Variants in ATXN7L1 observed in about 807,000 individuals in gnomAD.
ATXN7L1 encodes the protein ataxin 7 like 1.
ATXN7L1 carries 15 observed loss-of-function variants against 70.8 expected under a neutral mutation model. The ratio of observed to expected loss-of-function variants is 0.21; its 90% CI spans 0.14 to 0.33. The LOEUF is 0.33. Among genes scored for constraint, ATXN7L1 ranks in the 10% least tolerant of loss-of-function variants. The pLI is 1.00. For synonymous variants in ATXN7L1, 440 were observed against 445.1 expected (o/e 0.99, Z 0.14); for missense variants, 975 against 1,097.1 (o/e 0.89, Z 1.57).
chr7:105,732,164 C>T (rs1042683479), intron 3 of ATXN7L1, among the ~76,000 whole-genome samples: 4 of 152,126 alleles, frequency 2.6e-5, no homozygotes, highest in Non-Finnish European at 5.9e-5. Context: ...AATCCCAACA[C>T]TTTGAGAGGC....
intron 3 of ATXN7L1, among the ~76,000 whole-genome samples, chr7:105,785,332 G>T (rs1168723173): frequency 1.3e-5 from 2 of 152,180 alleles, no homozygotes; most frequent in East Asian, 1.9e-4. Context: ...CAAGTGTGGT[G>T]GCGGGCACCT....
At chr7:105,780,030 T>A (rs1319293725) in intron 3 of ATXN7L1, among the ~76,000 whole-genome samples, 2 of 152,140 alleles carry the variant, frequency 1.3e-5, no homozygotes, top group African/African-American at 4.8e-5. Flanking sequence ...CTTGGCGGGA[T>A]AATTAGCAGG....
At chr7:105,744,258 T>C (rs1019904236) in intron 3 of ATXN7L1, among the ~76,000 whole-genome samples, 1 of 152,200 alleles carries the variant, frequency 6.6e-6, no homozygotes, top group Admixed American at 6.5e-5. Context: ...GAGGGCTTAC[T>C]CTGGGCAGGC....
chr7:105,847,030 A>G (rs1585141307), intron 2 of ATXN7L1, among the ~76,000 whole-genome samples: 1 of 152,242 alleles, frequency 6.6e-6, no homozygotes, highest in Non-Finnish European at 1.5e-5. Flanking sequence ...CTGGAATGAG[A>G]TAGTGGTGTT....
chr7:105,739,160 A>T (rs905622229), intron 3 of ATXN7L1, among the ~76,000 whole-genome samples: 1 of 152,196 alleles, frequency 6.6e-6, no homozygotes, highest in African/African-American at 2.4e-5. Context: ...CCATGCCTTA[A>T]GGCCTTGCTA....
intron 2 of ATXN7L1, among the ~76,000 whole-genome samples, chr7:105,796,971 GT>G (rs1806079811): frequency 6.6e-6 from 1 of 152,150 alleles, no homozygotes; most frequent in African/African-American, 2.4e-5. Flanking sequence ...ATCACTTTCT[GT>G]TTCTCAGATC....
At chr7:105,831,020 C>T (rs1361082706) in intron 2 of ATXN7L1, among the ~76,000 whole-genome samples, 3 of 152,230 alleles carry the variant, frequency 2.0e-5, no homozygotes, top group South Asian at 2.1e-4. Flanking sequence ...CTTCTTCAAC[C>T]ACAACAGTTC....
chr7:105,787,346 A>C (rs1164563571), intron 3 of ATXN7L1, among the ~76,000 whole-genome samples: 1 of 152,144 alleles, frequency 6.6e-6, no homozygotes, highest in African/African-American at 2.4e-5. Flanking sequence ...TTGGCCTCTG[A>C]CCAAACCTCC....
chr7:105,616,061 CT>C (rs1793848496), intron 9 of ATXN7L1, among the ~76,000 whole-genome samples: 1 of 152,234 alleles, frequency 6.6e-6, no homozygotes, highest in Admixed American at 6.5e-5. Context: ...CAAGCTGGTC[CT>C]TTCCCATTTC....
At chr7:105,841,369 A>C (rs536084616) in intron 2 of ATXN7L1, among the ~76,000 whole-genome samples, 48 of 152,340 alleles carry the variant, frequency 3.2e-4, no homozygotes, top group African/African-American at 1.2e-3. Context: ...GTCCTTGCTT[A>C]TCCACGGTTT....
intron 11 of ATXN7L1, 39 bp downstream of exon 11, chr7:105,610,490 A>G: frequency 6.8e-7 from 1 of 1,460,500 alleles, no homozygotes; most frequent in Non-Finnish European, 9.4e-7. Context: ...GCTGATGACC[A>G]TATGAATTTT....
Position 105,606,519 on chromosome 7 carries a change from G to C in ATXN7L1, c.*1333C>G, listed in dbSNP as rs1792771515. ...ACAAAGTTACATGATTAATAGCACAGAACACCTATTTTATGTTGTGAATTC... is the reference window on the plus strand; with the variant it reads ...ACAAAGTTACATGATTAATAGCACACAACACCTATTTTATGTTGTGAATTC... On this transcript the variant is annotated 3_prime_UTR_variant, in exon 12 of 12. Coordinates refer to ENST00000419735, the MANE Select transcript of ATXN7L1 (RefSeq NM_020725.2). The C allele has an allele frequency of 6.6e-6, 1 of 152,222 alleles. No homozygotes were observed. The highest frequency in any genetic ancestry group is 2.4e-5 in the African/African-American group (1 of 41,460). 9.4% of individuals were successfully genotyped at this position (152,222 alleles called of 1,614,324 possible).
intron 4 of ATXN7L1, among the ~76,000 whole-genome samples, chr7:105,664,471 GTATAA>G (rs997768239): frequency 4.1e-5 from 6 of 145,598 alleles, no homozygotes; most frequent in African/African-American, 1.3e-4. Flanking sequence ...GTGTGTATAT[GTATAA>G]TATATGTATA....
chr7:105,644,464 A>G (rs1318002147), intron 4 of ATXN7L1, among the ~76,000 whole-genome samples: 2 of 152,196 alleles, frequency 1.3e-5, no homozygotes, highest in African/African-American at 4.8e-5. Context: ...TTCAAGTCCC[A>G]TGTGAGGGGA....
At chr7:105,627,841 G>GTTTTT (rs36028028) in intron 7 of ATXN7L1, among the ~76,000 whole-genome samples, 7 of 86,442 alleles carry the variant, frequency 8.1e-5, no homozygotes, top group African/African-American at 1.5e-4. Context: ...CCTGTCTTTA[G>GTTTTT]TTTTTTTTTT....
At chr7:105,828,757 T>C (rs1335519986) in intron 2 of ATXN7L1, among the ~76,000 whole-genome samples, 1 of 152,062 alleles carries the variant, frequency 6.6e-6, no homozygotes, top group South Asian at 2.1e-4. Context: ...AGGCAGAGCT[T>C]AAGGGGAAGA....
chr7:105,726,188 C>T (rs1412178556), intron 3 of ATXN7L1, among the ~76,000 whole-genome samples: 2 of 152,184 alleles, frequency 1.3e-5, no homozygotes, highest in Non-Finnish European at 2.9e-5. Flanking sequence ...AGGTGTGAAC[C>T]ACTGCGCCCG....
chr7:105,779,856 TA>T (rs1803277058), intron 3 of ATXN7L1, among the ~76,000 whole-genome samples: 1 of 152,232 alleles, frequency 6.6e-6, no homozygotes, highest in Non-Finnish European at 1.5e-5. Flanking sequence ...TCAATGAGAA[TA>T]ATTTCCTTTA....
intron 2 of ATXN7L1, among the ~76,000 whole-genome samples, chr7:105,794,554 C>T (rs897093186): frequency 6.6e-6 from 1 of 152,198 alleles, no homozygotes; most frequent in Non-Finnish European, 1.5e-5. Flanking sequence ...CTCGATTTCT[C>T]CAGCTATAAA....
Sources: gnomAD v4.1 joint callset for allele counts (sites outside exome capture counted in the v4.1 genomes callset) on GRCh38, gnomAD v4.1.1 for gene constraint, MANE v1.5 for transcripts, NCBI Gene and HGNC (gene_info 2026-07-23, HGNC 2026-07-21) for gene names.